LINGO2: variants seen among roughly 807,000 people sequenced by gnomAD.
The protein encoded by LINGO2 is leucine-rich repeat and immunoglobulin-like domain-containing nogo receptor-interacting protein 2.
A neutral mutation model predicts 30.6 loss-of-function variants in LINGO2; 14 were observed. The observed-to-expected ratio is 0.46, with a 90% CI of 0.30 to 0.72. The LOEUF is 0.72. LINGO2 is among the 30% of genes least tolerant of loss of function. The probability of loss-of-function intolerance (pLI) is 0.07; values close to 1 mark genes in which losing one functional copy is unlikely to be tolerated. For missense variants in LINGO2, 729 were observed against 751.7 expected (o/e 0.97, Z 0.35); for synonymous variants, 317 against 288.5 (o/e 1.10, Z -1.00).
chr9:28,326,131 C>T (rs565076672), intron 3 of LINGO2, among the ~76,000 whole-genome samples: 2 of 152,140 alleles, frequency 1.3e-5, no homozygotes, highest in Non-Finnish European at 2.9e-5. Flanking sequence ...CTCAGCCTCC[C>T]GAGTAGCTGG....
intron 4 of LINGO2, among the ~76,000 whole-genome samples, chr9:28,091,967 A>G (rs1158981790): frequency 6.6e-6 from 1 of 152,326 alleles, no homozygotes; most frequent in Admixed American, 6.5e-5. Flanking sequence ...ACTGGCCATC[A>G]GAGAAATGCA....
At chr9:29,009,643 C>G in the LINGO2 span, among the ~76,000 whole-genome samples, 2 of 152,138 alleles carry the variant, frequency 1.3e-5, no homozygotes, top group Non-Finnish European at 2.9e-5. Flanking sequence ...CCCCATTAAG[C>G]TACCAATGAC....
chr9:28,781,357 A>T, the LINGO2 span, among the ~76,000 whole-genome samples: 3 of 152,142 alleles, frequency 2.0e-5, no homozygotes. Context: ...ATGCATTCAA[A>T]TCATAAGATT....
At chr9:28,434,510 G>C (rs1413949056) in intron 2 of LINGO2, among the ~76,000 whole-genome samples, 1 of 135,602 alleles carries the variant, frequency 7.4e-6, no homozygotes, top group Non-Finnish European at 1.6e-5. Flanking sequence ...AGCACTGCCA[G>C]AATAAAGTTC....
At chr9:28,285,499 G>A (rs142106334) in intron 4 of LINGO2, among the ~76,000 whole-genome samples, 132 of 135,074 alleles carry the variant, frequency 9.8e-4, no homozygotes, top group African/African-American at 3.4e-3. Context: ...TCCGCCTCCC[G>A]GGTTCATGCC....
intron 1 of LINGO2, among the ~76,000 whole-genome samples, chr9:28,538,503 A>C (rs1821531410): frequency 6.6e-6 from 1 of 152,138 alleles, no homozygotes; most frequent in Non-Finnish European, 1.5e-5. Flanking sequence ...AAATTAATAG[A>C]ATAAAGGAGT....
At chr9:28,482,821 T>C (rs1190446747) in intron 1 of LINGO2, among the ~76,000 whole-genome samples, 1 of 152,090 alleles carries the variant, frequency 6.6e-6, no homozygotes, top group African/African-American at 2.4e-5. Flanking sequence ...GATCCCTTCC[T>C]TACACCTTAT....
chr9:29,100,495 G>A, the LINGO2 span, among the ~76,000 whole-genome samples: 1 of 151,956 alleles, frequency 6.6e-6, no homozygotes, highest in African/African-American at 2.4e-5. Context: ...TCAGGAGGCT[G>A]AGGCAAGAGA....
chr9:28,793,906 C>A, the LINGO2 span, among the ~76,000 whole-genome samples: 1 of 152,166 alleles, frequency 6.6e-6, no homozygotes, highest in Non-Finnish European at 1.5e-5. Context: ...ATTTAAGGAA[C>A]TGGGAACTCC....
At chr9:28,696,093 C>T in the LINGO2 span, among the ~76,000 whole-genome samples, 1 of 151,804 alleles carries the variant, frequency 6.6e-6, no homozygotes, top group Non-Finnish European at 1.5e-5. Flanking sequence ...CATTGAAATC[C>T]TTTCAATGTC....
At chr9:28,675,281 T>C (rs1050000446), upstream of LINGO2, among the ~76,000 whole-genome samples, 1 of 152,142 alleles carries the variant, frequency 6.6e-6, no homozygotes, top group Admixed American at 6.5e-5. Flanking sequence ...GCTTTGGACA[T>C]GGAAGTAGTG....
chr9:28,829,509 A>G, the LINGO2 span, among the ~76,000 whole-genome samples: 13 of 152,316 alleles, frequency 8.5e-5, no homozygotes, highest in East Asian at 2.1e-3. Context: ...AGGGGATAAC[A>G]TGGGACGCAC....
At position 28,332,734 on chromosome 9, in the gene LINGO2, C is replaced by A. The variant is rs551708194; in HGVS notation, c.-245-37368G>T. Among the ~76,000 whole-genome samples, 40 of 152,162 alleles carry A rather than the reference C, an allele frequency of 2.6e-4. No homozygotes were observed. In the South Asian group the frequency reaches 8.3e-3, roughly 32 times the overall value. On this transcript the variant is annotated intron_variant, in intron 3 of 5. Coordinates refer to ENST00000379992, the Ensembl canonical transcript of LINGO2. ...GAATAGAGTTTGATTGAAACAAGAA[C>A]CTTATTTAGTCATAAGAATTCAACG...
chr9:28,174,146 T>C (rs774730776), intron 4 of LINGO2, among the ~76,000 whole-genome samples: 2 of 152,208 alleles, frequency 1.3e-5, no homozygotes, highest in African/African-American at 4.8e-5. Flanking sequence ...TTCCAAAGAC[T>C]TCTCAGCAGA....
chr9:28,767,566 A>G, the LINGO2 span, among the ~76,000 whole-genome samples: 5 of 152,004 alleles, frequency 3.3e-5, no homozygotes, highest in Admixed American at 1.3e-4. Context: ...CAGGCAGATC[A>G]CGAGGTCAGG....
chr9:28,642,790 A>G (rs1827657593), intron 1 of LINGO2, among the ~76,000 whole-genome samples: 1 of 152,126 alleles, frequency 6.6e-6, no homozygotes, highest in Admixed American at 6.5e-5. Context: ...TCTTTCAACT[A>G]CAGAACAAAC....
chr9:28,647,838 G>C (rs1350534535), intron 1 of LINGO2, among the ~76,000 whole-genome samples: 2 of 148,802 alleles, frequency 1.3e-5, no homozygotes, highest in African/African-American at 2.5e-5. Flanking sequence ...TATTCAACCT[G>C]TGTCAGCCAT....
chr9:28,862,066 A>G, the LINGO2 span, among the ~76,000 whole-genome samples: 1 of 152,118 alleles, frequency 6.6e-6, no homozygotes, highest in Non-Finnish European at 1.5e-5. Flanking sequence ...GAAATTTTAC[A>G]GGTGCCCCCT....
At chr9:28,118,616 T>C (rs1226685532) in intron 4 of LINGO2, among the ~76,000 whole-genome samples, 2 of 152,206 alleles carry the variant, frequency 1.3e-5, no homozygotes, top group Non-Finnish European at 2.9e-5. Context: ...TAGTAACTAA[T>C]ATGTGATCTT....
Sources: gnomAD v4.1 joint callset for allele counts (sites outside exome capture counted in the v4.1 genomes callset) on GRCh38, gnomAD v4.1.1 for gene constraint, MANE v1.5 for transcripts, NCBI Gene and HGNC (gene_info 2026-07-23, HGNC 2026-07-21) for gene names.